The following MECOM variants were observed in gnomAD, a reference collection of about 807,000 sequenced individuals.
The protein encoded by MECOM is MDS1 and EVI1 complex locus.
In MECOM, 13 loss-of-function variants were observed where a neutral mutation model predicts 116.3. The ratio of observed to expected loss-of-function variants is 0.11; its 90% CI spans 0.07 to 0.18. MECOM has a LOEUF of 0.18. Among genes scored for constraint, MECOM ranks in the 10% least tolerant of loss-of-function variants. The pLI, the probability that MECOM is intolerant of heterozygous loss-of-function variation, is 1.00. For synonymous variants in MECOM, 528 were observed against 535.2 expected (o/e 0.99, Z 0.19); for missense variants, 1,299 against 1,509.0 (o/e 0.86, Z 2.31).
chr3:169,445,825 T>A (rs1322857038), intron 1 of MECOM, among the ~76,000 whole-genome samples: 1 of 152,224 alleles, frequency 6.6e-6, no homozygotes, highest in Non-Finnish European at 1.5e-5. Context: ...CCCTCTTGCA[T>A]CAGTGTAACC....
Position 169,089,016 on chromosome 3 carries a change from C to T in MECOM, c.3569G>A (p.Arg1190Lys). The change falls in exon 16 of 17, where the codon AGA becomes AAA. Residue 1190 changes from arginine (R) to lysine (K), a missense_variant. Arg to Lys is a conservative substitution (Grantham distance 26). Around this residue, in one of 6 missense-constraint regions of MECOM, gnomAD observed 273 missense variants for 289.3 expected, o/e 0.94. Transcript: ENST00000651503. ...VPEELKQPLH[R>K]KSKSQAYAMM... is the part of the protein sequence containing the mutation. ...AATCTGTACCTGCGATTTGGACTTTCTGTGTAACGGCTGCTTAAGTTCCTC... is the reference window on the plus strand; with the variant it reads ...AATCTGTACCTGCGATTTGGACTTTTTGTGTAACGGCTGCTTAAGTTCCTC... The T allele has an allele frequency of 6.3e-7, 1 of 1,596,410 alleles. No individual in the cohort carries two copies. The highest frequency in any genetic ancestry group is 8.5e-7 in the Non-Finnish European group (1 of 1,173,182).
At chr3:169,212,685 T>TGC (rs1750923937) in intron 2 of MECOM, among the ~76,000 whole-genome samples, 1 of 114,804 alleles carries the variant, frequency 8.7e-6, no homozygotes, top group Non-Finnish European at 1.8e-5. Flanking sequence ...TATATATATA[T>TGC]GCAACAAAAG....
intron 2 of MECOM, among the ~76,000 whole-genome samples, chr3:169,178,578 C>T (rs1413918283): frequency 6.6e-6 from 1 of 152,098 alleles, no homozygotes; most frequent in Non-Finnish European, 1.5e-5. Context: ...GCAATCAGGT[C>T]ATGTTTGCCA....
intron 1 of MECOM, among the ~76,000 whole-genome samples, chr3:169,575,563 C>T (rs1261839484): frequency 6.6e-6 from 1 of 152,122 alleles, no homozygotes; most frequent in South Asian, 2.1e-4. Context: ...ATGAGCCGTC[C>T]GGGGATGCCG....
At chr3:169,144,901 A>G (rs1739296234) in intron 2 of MECOM, 1 of 934,184 alleles carries the variant, frequency 1.1e-6, no homozygotes, top group Non-Finnish European at 1.7e-6. Context: ...ATAACCACAT[A>G]AAAGTTAAAA....
intron 1 of MECOM, among the ~76,000 whole-genome samples, chr3:169,421,048 G>A (rs1296484786): frequency 2.0e-5 from 3 of 151,978 alleles, no homozygotes; most frequent in East Asian, 1.9e-4. Flanking sequence ...CTACATCTCC[G>A]ATGAAGTCAC....
intron 6 of MECOM, among the ~76,000 whole-genome samples, chr3:169,121,569 TA>T (rs1273816113): frequency 2.0e-5 from 3 of 152,166 alleles, no homozygotes; most frequent in Non-Finnish European, 4.4e-5. Flanking sequence ...ACCCTTTAAA[TA>T]AAGACACATT....
chr3:169,640,833 G>A (rs1480325044), intron 1 of MECOM, among the ~76,000 whole-genome samples: 1 of 152,160 alleles, frequency 6.6e-6, no homozygotes, highest in Non-Finnish European at 1.5e-5. Context: ...AGAGAGACAG[G>A]CTCTGAACTC....
chr3:169,108,928 A>G (rs183816733), intron 9 of MECOM, among the ~76,000 whole-genome samples: 3 of 152,356 alleles, frequency 2.0e-5, no homozygotes, highest in Admixed American at 2.0e-4. Context: ...AGTCTGTTGC[A>G]GATGTACTCA....
At chr3:169,550,502 C>A (rs747289418) in intron 1 of MECOM, among the ~76,000 whole-genome samples, 2 of 152,202 alleles carry the variant, frequency 1.3e-5, no homozygotes, top group African/African-American at 2.4e-5. Context: ...AGTAACAGAA[C>A]CAGGCTACGC....
chr3:169,327,064 T>C (rs1434143965), intron 2 of MECOM, among the ~76,000 whole-genome samples: 2 of 152,194 alleles, frequency 1.3e-5, no homozygotes, highest in Non-Finnish European at 2.9e-5. Flanking sequence ...ACATCCATCA[T>C]GGTTAAAGTA....
At position 169,522,161 on chromosome 3, in the gene MECOM, T is replaced by C. The variant is rs78040184; in HGVS notation, c.38-140637A>G. Among the ~76,000 whole-genome samples, 313 of 152,298 alleles carry C rather than the reference T, an allele frequency of 2.1e-3. 7 individuals carry two copies. The East Asian group carries it at 0.043, about 21-fold the overall frequency. On this transcript the variant is annotated intron_variant, in intron 1 of 16. Transcript: ENST00000651503. ...TAGCATTTCCATGTTGAGAGGCAAG[T>C]GGAAGCTACAATTACATCCTTACTC... is the stretch of plus-strand genomic sequence containing the variant.
chr3:169,637,438 A>C (rs761871742), intron 1 of MECOM, among the ~76,000 whole-genome samples: 5 of 152,226 alleles, frequency 3.3e-5, no homozygotes, highest in African/African-American at 4.8e-5. Flanking sequence ...TGGATAGCAG[A>C]ATCTACTTTT....
chr3:169,634,380 A>G (rs1411475064), intron 1 of MECOM, among the ~76,000 whole-genome samples: 1 of 152,158 alleles, frequency 6.6e-6, no homozygotes, highest in Non-Finnish European at 1.5e-5. Context: ...TTTTAAGCTA[A>G]TGTGTTCATA....
intron 2 of MECOM, among the ~76,000 whole-genome samples, chr3:169,232,560 A>G (rs1325005560): frequency 6.6e-6 from 1 of 152,042 alleles, no homozygotes; most frequent in East Asian, 1.9e-4. Context: ...AAAGAGTTAC[A>G]TGTTTACAGG....
chr3:169,405,660 T>G lies in MECOM; in HGVS notation c.38-24136A>C, dbSNP rs76719728. Among the ~76,000 whole-genome samples, 1,361 of 152,308 alleles carry G rather than the reference T, an allele frequency of 8.9e-3. 26 individuals are homozygous for G. The highest frequency in any genetic ancestry group is 0.031 in the African/African-American group (1,307 of 41,572). Reference sequence around the variant, plus strand: ...CAGCTAGTGTACTTGCAGCAAACAATATGTCCATTTAGTACTTTCTAATAC... The same window carrying G: ...CAGCTAGTGTACTTGCAGCAAACAAGATGTCCATTTAGTACTTTCTAATAC... On this transcript the variant is annotated intron_variant, in intron 1 of 16. Transcript: ENST00000651503.
chr3:169,482,328 C>CTTTTTTTTTTT (rs768771100), intron 1 of MECOM, among the ~76,000 whole-genome samples: 1 of 108,396 alleles, frequency 9.2e-6, no homozygotes, highest in Non-Finnish European at 1.8e-5. Flanking sequence ...AACCCACGTT[C>CTTTTTTTTTTT]TTTTTTTTTT....
chr3:169,094,080 A>C (rs1342501042), intron 13 of MECOM, among the ~76,000 whole-genome samples: 1 of 152,172 alleles, frequency 6.6e-6, no homozygotes, highest in African/African-American at 2.4e-5. Context: ...CTCTACCTAA[A>C]ATCTAATATT....
Position 169,663,379 on chromosome 3 carries a change from C to T in MECOM, c.-7G>A. On this transcript the variant is annotated 5_prime_UTR_variant, in exon 1 of 17. Transcript: ENST00000651503. ...CCCTGCCTTTGGATCTCATGCTGTGCCCAGTCCTGCAGCCGCTGGTGTGTG... is the reference window on the plus strand; with the variant it reads ...CCCTGCCTTTGGATCTCATGCTGTGTCCAGTCCTGCAGCCGCTGGTGTGTG... The T allele has an allele frequency of 1.2e-6, 2 of 1,609,782 alleles. No individual in the cohort carries two copies. The highest frequency in any genetic ancestry group is 1.7e-5 in the Admixed American group (1 of 59,498).
Sources: gnomAD v4.1 joint callset for allele counts (sites outside exome capture counted in the v4.1 genomes callset) on GRCh38, gnomAD v4.1.1 for gene constraint, gnomAD v4.1.1 regional missense constraint, MANE v1.5 for transcripts, NCBI Gene and HGNC (gene_info 2026-07-23, HGNC 2026-07-21) for gene names.